WAPL: variants seen among roughly 807,000 people sequenced by gnomAD.
WAPL encodes WAPL cohesin release factor, also known as wings apart-like protein homolog.
In WAPL, 5 loss-of-function variants were observed where a neutral mutation model predicts 121.0. The ratio of observed to expected loss-of-function variants is 0.04; its 90% confidence interval spans 0.02 to 0.09. The LOEUF is 0.09. WAPL is among the 10% of genes least tolerant of loss of function. WAPL has a pLI of 1.00. For synonymous variants in WAPL, 480 were observed against 481.5 expected (o/e 1.00, Z 0.04); for missense variants, 999 against 1,410.8 (o/e 0.71, Z 4.68).
intron 9 of WAPL, among the ~76,000 whole-genome samples, chr10:86,461,680 T>C (rs553728662): frequency 6.6e-6 from 1 of 152,326 alleles, no homozygotes; most frequent in South Asian, 2.1e-4. Context: ...GGAGTGCCAG[T>C]TGCCCTGAAT....
Position 86,452,197 on chromosome 10 carries a change from C to T in WAPL, c.2950-66G>A, listed in dbSNP as rs191827958. The T allele has an allele frequency of 4.1e-6, 6 of 1,476,780 alleles. No homozygotes were observed. In the African/African-American group the frequency reaches 5.6e-5, roughly 14 times the overall value. The allele number at this position is 1,476,780 out of a possible 1,614,324, so 91.5% of individuals were successfully genotyped here. Reference sequence around the variant, plus strand: ...ACTTAAAACAAATGAACACAATATACACAATTTTTAATGGCAACTAAAAAG... The same window carrying T: ...ACTTAAAACAAATGAACACAATATATACAATTTTTAATGGCAACTAAAAAG... On this transcript the variant is annotated intron_variant, in intron 14 of 18. Coordinates refer to ENST00000298767, the MANE Select transcript of WAPL (RefSeq NM_015045.5).
At position 86,500,253 on chromosome 10, in the gene WAPL, A is replaced by G; in HGVS notation, c.990T>C (p.Ser330=). Residue 330 remains serine (S), a synonymous_variant, in exon 3 of 19, where the codon AGT becomes AGC. Transcript: ENST00000298767. ...TCTTTGCCTGATTCAGGCCATCTTT[A>G]CTCGATTCACTGTTTGCTTTGGCTA... ...QALAKANSES[S]KDGLNQAKKG... 1 of 1,613,914 alleles carries G rather than the reference A, an allele frequency of 6.2e-7. No homozygotes were observed. The highest frequency in any genetic ancestry group is 8.5e-7 in the Non-Finnish European group (1 of 1,179,988).
rs963410120 is a variant in WAPL at position 86,435,532 on chromosome 10, G to C, written c.*2011C>G. 2.6e-5 allele frequency: 4 copies of C among 152,574 alleles called. No individual in the cohort carries two copies. The highest frequency in any genetic ancestry group is 9.7e-5 in the African/African-American group (4 of 41,434). 9.5% of individuals were successfully genotyped at this position (152,574 alleles called of 1,614,324 possible). On this transcript the variant is annotated 3_prime_UTR_variant, in exon 19 of 19. Transcript: ENST00000298767. ...TCAGCCTCAAGTACCCTAAAATGCA[G>C]AGTTCTCTGAGGGTTAAAAACACAC...
intron 15 of WAPL, among the ~76,000 whole-genome samples, chr10:86,451,434 G>A (rs1404014939): frequency 2.0e-5 from 3 of 151,668 alleles, no homozygotes; most frequent in Non-Finnish European, 4.4e-5. Context: ...TGTTGTCCAG[G>A]CTGGAGTGCA....
At chr10:86,513,087 C>T (rs1408764048) in intron 2 of WAPL, among the ~76,000 whole-genome samples, 1 of 152,038 alleles carries the variant, frequency 6.6e-6, no homozygotes, top group Non-Finnish European at 1.5e-5. Context: ...CGCTCTGTTG[C>T]CCAAGTTGGA....
rs148653947 is a variant in WAPL at position 86,517,644 on chromosome 10, C to T, written c.426G>A (p.Gly142=). ...CAATTCGGTTTGTGCTCTTTTCTTT[C>T]CCAAGTAAAGTGTCCTCCAAAGGGA... ...KCFPLEDTLL[G]KEKSTNRIVE... Residue 142 remains glycine (G), a synonymous_variant, in exon 2 of 19, where the codon GGG becomes GGA. Coordinates refer to ENST00000298767, the MANE Select transcript of WAPL (RefSeq NM_015045.5). 330 of 1,614,036 alleles carry T rather than the reference C, an allele frequency of 2.0e-4. 1 individual carries two copies. The African/African-American group carries it at 3.7e-3, about 18-fold the overall frequency.
At position 86,473,968 on chromosome 10, in the gene WAPL, G is replaced by A; in HGVS notation, c.1650C>T (p.Pro550=). Residue 550 remains proline, a synonymous_variant, in exon 5 of 19, where the codon CCC becomes CCT. Coordinates refer to ENST00000298767, the MANE Select transcript of WAPL (RefSeq NM_015045.5). Reference sequence around the variant, plus strand: ...GTCTGGCATTATATACAGCTTTTGTGGGTGACTAGAGAAATGAGAGAAAGA... The same window carrying A: ...GTCTGGCATTATATACAGCTTTTGTAGGTGACTAGAGAAATGAGAGAAAGA... ...RKIFSGPKRS[P]TKAVYNARHW... The A allele has an allele frequency of 6.2e-7, 1 of 1,613,392 alleles. No individual in the cohort carries two copies. The highest frequency in any genetic ancestry group is 8.5e-7 in the Non-Finnish European group (1 of 1,179,586).
intron 15 of WAPL, among the ~76,000 whole-genome samples, chr10:86,449,332 G>C (rs778769578): frequency 6.6e-6 from 1 of 152,220 alleles, no homozygotes; most frequent in Non-Finnish European, 1.5e-5. Flanking sequence ...GGTAACTGAT[G>C]TGAGTACAAG....
Position 86,450,449 on chromosome 10 carries a change from T to G in WAPL, c.3114+1518A>C, listed in dbSNP as rs541475593. 2.0e-3 allele frequency among the ~76,000 whole-genome samples: 300 copies of G among 152,294 alleles called. 9 individuals carry two copies. Among genetic ancestry groups the G allele is most frequent in the Middle Eastern group, 3.4e-3 (1 of 294 alleles). On this transcript the variant is annotated intron_variant, in intron 15 of 18. Transcript: ENST00000298767. ...CAGGATCTCACTATGTTGCCCATGC[T>G]GGTCTCAAACTCCTGAGCTCAAACA...
intron 4 of WAPL, among the ~76,000 whole-genome samples, chr10:86,474,510 T>C (rs1459048794): frequency 1.5e-5 from 1 of 66,944 alleles, no homozygotes. Context: ...TGAGACTCCG[T>C]CTCAAAAAAA....
At chr10:86,464,524 G>A (rs1431776415) in intron 9 of WAPL, among the ~76,000 whole-genome samples, 1 of 152,128 alleles carries the variant, frequency 6.6e-6, no homozygotes, top group Non-Finnish European at 1.5e-5. Context: ...AGTAGACACT[G>A]CAAAAATACA....
At chr10:86,498,997 G>A (rs892927919) in intron 3 of WAPL, among the ~76,000 whole-genome samples, 1 of 152,110 alleles carries the variant, frequency 6.6e-6, no homozygotes, top group African/African-American at 2.4e-5. Context: ...CTAATCTTCT[G>A]GTATTTCCCT....
rs1469494352 is a variant in WAPL, at chr10:86,500,395, A to G, written c.848T>C (p.Ile283Thr). 14 of 1,614,210 alleles carry G rather than the reference A, an allele frequency of 8.7e-6. No individual in the cohort carries two copies. The highest frequency in any genetic ancestry group is 1.2e-5 in the Non-Finnish European group (14 of 1,180,040). ...ENLNEAIEED[I>T]VQSVLRPTNC... ...GGTTGGCCTAAGAACACTTTGTACAATATCTTCCTCAATGGCTTCATTCAG... is the reference window on the plus strand; with the variant it reads ...GGTTGGCCTAAGAACACTTTGTACAGTATCTTCCTCAATGGCTTCATTCAG... Residue 283 changes from isoleucine to threonine, a missense_variant, in exon 3 of 19, where the codon ATT becomes ACT. Physicochemically the swap from Ile to Thr is moderately conservative, Grantham distance 89. Transcript: ENST00000298767.
intron 4 of WAPL, among the ~76,000 whole-genome samples, chr10:86,493,506 T>C (rs1464665833): frequency 6.6e-6 from 1 of 152,004 alleles, no homozygotes; most frequent in Non-Finnish European, 1.5e-5. Context: ...CTTTCACATT[T>C]TCTGTATATT....
intron 12 of WAPL, among the ~76,000 whole-genome samples, chr10:86,456,753 CAT>C (rs1293557484): frequency 6.6e-6 from 1 of 152,158 alleles, no homozygotes; most frequent in Non-Finnish European, 1.5e-5. Flanking sequence ...TCAGGATTAC[CAT>C]ACTGTCACTG....
chr10:86,480,777 G>T lies in WAPL; in HGVS notation c.1645-6804C>A, dbSNP rs374373150. 3.9e-5 allele frequency among the ~76,000 whole-genome samples: 6 copies of T among 152,342 alleles called. No individual in the cohort carries two copies. In the East Asian group the frequency reaches 9.6e-4, roughly 24 times the overall value. ...ATGTGACTAAGCTCTTGCCAATGAA[G>T]TGTGAAGAGAAGTGAGGTACACCTT... On this transcript the variant is annotated intron_variant, in intron 4 of 18. Coordinates refer to ENST00000298767, the MANE Select transcript of WAPL (RefSeq NM_015045.5).
intron 2 of WAPL, among the ~76,000 whole-genome samples, chr10:86,501,946 C>T (rs1842255516): frequency 1.3e-5 from 2 of 152,210 alleles, no homozygotes; most frequent in South Asian, 4.1e-4. Flanking sequence ...CCTGCCTCTG[C>T]CTCCCAAAGT....
chr10:86,453,550 T>C (rs1487488918), intron 13 of WAPL, 106 bp downstream of exon 13: 3 of 1,354,982 alleles, frequency 2.2e-6, no homozygotes, highest in East Asian at 4.8e-5. Context: ...AAGTACATTA[T>C]GACAAATAAA....
chr10:86,462,580 C>T (rs1339206106), intron 9 of WAPL, among the ~76,000 whole-genome samples: 3 of 151,844 alleles, frequency 2.0e-5, no homozygotes, highest in African/African-American at 4.8e-5. Flanking sequence ...ATTAGCTGGG[C>T]GTGGTGGTGG....
Sources: gnomAD v4.1 joint callset for allele counts (sites outside exome capture counted in the v4.1 genomes callset) on GRCh38, gnomAD v4.1.1 for gene constraint, MANE v1.5 for transcripts, NCBI Gene and HGNC (gene_info 2026-07-23, HGNC 2026-07-21) for gene names.